LOC400499: variants seen among roughly 807,000 people sequenced by gnomAD.
chr16:11,464,073 T>C, the LOC400499 span, among the ~76,000 whole-genome samples: 2 of 152,212 alleles, frequency 1.3e-5, no homozygotes, highest in Non-Finnish European at 1.5e-5. Flanking sequence ...TGTACAGATA[T>C]GTGTGTATAT....
the LOC400499 span, among the ~76,000 whole-genome samples, chr16:11,474,013 C>T: frequency 6.6e-6 from 1 of 152,170 alleles, no homozygotes; most frequent in Non-Finnish European, 1.5e-5. Flanking sequence ...GCCACCATGC[C>T]CGGCTAATTT....
chr16:11,455,584 A>T, the LOC400499 span, among the ~76,000 whole-genome samples: 1 of 151,724 alleles, frequency 6.6e-6, no homozygotes, highest in Non-Finnish European at 1.5e-5. Flanking sequence ...AAAATAGAAA[A>T]ATTTGCCAGG....
the LOC400499 span, among the ~76,000 whole-genome samples, chr16:11,379,267 G>T: frequency 6.6e-6 from 1 of 152,110 alleles, no homozygotes. Flanking sequence ...AAAAAAGTGA[G>T]GTGAAGTCTC....
At chr16:11,522,307 G>T in the LOC400499 span, among the ~76,000 whole-genome samples, 2 of 152,184 alleles carry the variant, frequency 1.3e-5, no homozygotes, top group Non-Finnish European at 2.9e-5. Flanking sequence ...GATAATAACA[G>T]TAAGTGCTCA....
chr16:11,375,454 C>T, the LOC400499 span, among the ~76,000 whole-genome samples: 2 of 141,350 alleles, frequency 1.4e-5, no homozygotes, highest in East Asian at 2.0e-4. Context: ...GCTGGGACTA[C>T]AGGCATACAC....
chr16:11,383,991 C>T, the LOC400499 span: 1 of 1,231,780 alleles, frequency 8.1e-7, no homozygotes, highest in Non-Finnish European at 1.0e-6. Context: ...TCTCAGTGGC[C>T]CTGCAGTCAC....
At chr16:11,375,846 C>G in the LOC400499 span, among the ~76,000 whole-genome samples, 1 of 151,760 alleles carries the variant, frequency 6.6e-6, no homozygotes, top group Non-Finnish European at 1.5e-5. Context: ...TCTCCTGCCT[C>G]AGCCTCCCAA....
At chr16:11,487,178 G>C in the LOC400499 span, 1 of 398,466 alleles carries the variant, frequency 2.5e-6, no homozygotes, top group African/African-American at 2.1e-5. Context: ...GGGATGGATG[G>C]ACAGACAGGT....
chr16:11,470,015 G>C, the LOC400499 span, among the ~76,000 whole-genome samples: 1 of 152,116 alleles, frequency 6.6e-6, no homozygotes, highest in Non-Finnish European at 1.5e-5. Flanking sequence ...TGATTCTCCT[G>C]CCTCAGCCTC....
chr16:11,405,515 A>G, the LOC400499 span, among the ~76,000 whole-genome samples: 1 of 152,202 alleles, frequency 6.6e-6, no homozygotes, highest in African/African-American at 2.4e-5. Context: ...AGGGAAGAGC[A>G]TTCTAGGCAG....
the LOC400499 span, chr16:11,476,823 G>T: frequency 2.5e-6 from 1 of 399,334 alleles, no homozygotes; most frequent in Non-Finnish European, 4.4e-6. Flanking sequence ...TAAGGACCCG[G>T]CCCTTCTGCA....
chr16:11,512,985 T>C, the LOC400499 span, among the ~76,000 whole-genome samples: 78 of 152,282 alleles, frequency 5.1e-4, no homozygotes, highest in East Asian at 0.011. Flanking sequence ...GTAAACGCTA[T>C]TACCAGCCAG....
At chr16:11,437,369 A>G in the LOC400499 span, among the ~76,000 whole-genome samples, 6,348 of 152,268 alleles carry the variant, frequency 0.042, 453 homozygotes, top group African/African-American at 0.15. Context: ...ACCAGCCTGA[A>G]CAACAGAGCA....
chr16:11,435,417 T>G, the LOC400499 span, among the ~76,000 whole-genome samples: 1 of 152,084 alleles, frequency 6.6e-6, no homozygotes, highest in Non-Finnish European at 1.5e-5. Flanking sequence ...CTTTATACAT[T>G]ATCCTTTAAG....
the LOC400499 span, chr16:11,392,128 G>C: frequency 2.5e-6 from 1 of 399,044 alleles, no homozygotes; most frequent in African/African-American, 2.1e-5. Context: ...AAGAGGCTGG[G>C]GCCTCGCAGG....
the LOC400499 span, among the ~76,000 whole-genome samples, chr16:11,378,662 T>C: frequency 2.0e-5 from 3 of 152,252 alleles, no homozygotes; most frequent in Non-Finnish European, 4.4e-5. Context: ...CTCAAGATAC[T>C]TTCTGATTTT....
At chr16:11,434,513 G>C in the LOC400499 span, among the ~76,000 whole-genome samples, 1 of 152,196 alleles carries the variant, frequency 6.6e-6, no homozygotes, top group South Asian at 2.1e-4. Flanking sequence ...TCAGAACCGA[G>C]ACCATTTGTA....
At chr16:11,424,686 G>C in the LOC400499 span, among the ~76,000 whole-genome samples, 1 of 152,210 alleles carries the variant, frequency 6.6e-6, no homozygotes, top group African/African-American at 2.4e-5. Flanking sequence ...CTGATTGTGT[G>C]TCCTCCCTTC....
chr16:11,527,415 G>C, the LOC400499 span, among the ~76,000 whole-genome samples: 12 of 152,032 alleles, frequency 7.9e-5, no homozygotes, highest in African/African-American at 2.9e-4. Flanking sequence ...TGACCAATGA[G>C]GGGAAAAAAA....
Sources: allele counts gnomAD v4.1 joint callset (sites outside exome capture counted in the v4.1 genomes callset), GRCh38; gene constraint gnomAD v4.1.1; transcripts MANE v1.5.